Variants in PCDH18 observed in about 807,000 individuals in gnomAD.
PCDH18 encodes the protein protocadherin 18.
PCDH18 carries 38 observed loss-of-function variants against 71.5 expected under a neutral mutation model. The ratio of observed to expected loss-of-function variants is 0.53; its 90% CI spans 0.41 to 0.70. The LOEUF is 0.70. Ranked by LOEUF, PCDH18 falls within the 30% of genes least tolerant of loss-of-function variation. The probability of loss-of-function intolerance (pLI) is 0.00; values close to 1 mark genes in which losing one functional copy is unlikely to be tolerated. For missense variants in PCDH18, 1,334 were observed against 1,384.6 expected, an observed-to-expected ratio of 0.96 and a Z score of 0.58; for synonymous variants, 565 against 505.4, an observed-to-expected ratio of 1.12 and a Z score of -1.58.
At chr4:137,527,283 C>T (rs749967694) in intron 3 of PCDH18, among the ~76,000 whole-genome samples, 1 of 152,100 alleles carries the variant, frequency 6.6e-6, no homozygotes, top group African/African-American at 2.4e-5. Context: ...ATACAGCCTA[C>T]GCACATCCTC....
chr4:137,531,603 A>G lies in PCDH18; in HGVS notation c.486T>C (p.Phe162=). The G allele has an allele frequency of 6.2e-7, 1 of 1,613,828 alleles. No individual in the cohort carries two copies. Among genetic ancestry groups the G allele is most frequent in the South Asian group, 1.1e-5 (1 of 91,074 alleles). The change falls in exon 1 of 4, where the codon TTT becomes TTC. Residue 162 remains phenylalanine, a synonymous_variant. Transcript: ENST00000344876. The part of the protein sequence containing the change: ...VGTRIPLDSA[F]DPDVGENSLH... ...GGGAATTTTCCCCAACATCTGGATC[A>G]AATGCACTGTCCAGGGGAATGCGAG...
chr4:137,526,310 T>C (rs577963406), intron 3 of PCDH18, among the ~76,000 whole-genome samples: 1 of 152,168 alleles, frequency 6.6e-6, no homozygotes, highest in East Asian at 1.9e-4. Flanking sequence ...ATAAACATTA[T>C]ACAAATCTAA....
intron 3 of PCDH18, among the ~76,000 whole-genome samples, chr4:137,522,380 T>C (rs1020039948): frequency 6.6e-6 from 1 of 152,064 alleles, no homozygotes; most frequent in Non-Finnish European, 1.5e-5. Context: ...ATCCATTCCT[T>C]AGGTCTTACA....
chr4:137,531,848 C>A lies in PCDH18; in HGVS notation c.241G>T (p.Glu81Ter). Residue 81 changes from glutamate to a stop codon, truncating the protein, a stop_gained, in exon 1 of 4, where the codon GAG becomes TAG. Coordinates refer to ENST00000344876, the MANE Select transcript of PCDH18 (RefSeq NM_019035.5). LOFTEE classifies it high-confidence loss of function. ...CCTATGCTGATTTCCCCATTATCCT[C>A]GTTTACTACAAGTAGAGGAGAATTT... The part of the protein sequence containing the change: ...RGNSPLLVVN[E>*]DNGEISIGAT... 6.2e-7 allele frequency: 1 copy of A among 1,614,074 alleles called. No individual in the cohort carries two copies. The highest frequency in any genetic ancestry group is 8.5e-7 in the Non-Finnish European group (1 of 1,179,978).
At position 137,530,374 on chromosome 4, in the gene PCDH18, T is replaced by C. The variant is rs1357384382; in HGVS notation, c.1715A>G (p.Asn572Ser). 3.7e-6 allele frequency: 6 copies of C among 1,614,096 alleles called. No individual in the cohort carries two copies. Among genetic ancestry groups the C allele is most frequent in the Non-Finnish European group, 5.1e-6 (6 of 1,179,976 alleles). ...VVLTIIDEND[N>S]VPVVIGPALR... ...TGCAGGCCCTATAACCACAGGAACG[T>C]TGTCATTTTCGTCAATGATGGTGAG... The change falls in exon 1 of 4, where the codon AAC (asparagine) becomes AGC (serine). Residue 572 changes from asparagine (N) to serine (S), a missense_variant. By Grantham distance (46) the Asn-to-Ser change is conservative. Around this residue, in one of 3 missense-constraint regions of PCDH18, gnomAD observed 1,011 missense variants for 1,048.0 expected, o/e 0.96. Coordinates refer to ENST00000344876, the MANE Select transcript of PCDH18 (RefSeq NM_019035.5).
intron 3 of PCDH18, among the ~76,000 whole-genome samples, chr4:137,526,952 A>G (rs1171008947): frequency 7.4e-6 from 1 of 134,608 alleles, no homozygotes; most frequent in Non-Finnish European, 1.6e-5. Flanking sequence ...TTCAGTTTCC[A>G]AATCTTAAAA....
rs1389709280 is a variant in PCDH18, at chr4:137,519,166, C to G, written c.*1863G>C. On this transcript the variant is annotated 3_prime_UTR_variant, in exon 4 of 4. Coordinates refer to ENST00000344876, the MANE Select transcript of PCDH18 (RefSeq NM_019035.5). ...CTGAAATTTCACTTGTAATTGCAAT[C>G]TCTCCTATAAAGGAAAATGTGCCTG... The G allele has an allele frequency of 6.6e-6, 1 of 152,118 alleles. No individual in the cohort carries two copies. The highest frequency in any genetic ancestry group is 1.5e-5 in the Non-Finnish European group (1 of 68,014). The allele number at this position is 152,118 out of a possible 1,614,324, so 9.4% of individuals were successfully genotyped here.
chr4:137,521,584 C>T lies in PCDH18; in HGVS notation c.2853G>A (p.Gly951=), dbSNP rs756877576. ...GCTGGGGTTGCGTTGGGAATTCTTCCCCTGGAATGAACATGTTACTCCTAT... is the reference window on the plus strand; with the variant it reads ...GCTGGGGTTGCGTTGGGAATTCTTCTCCTGGAATGAACATGTTACTCCTAT... The part of the protein sequence containing the change: ...SDYRSNMFIP[G]EEFPTQPQQQ... The change falls in exon 4 of 4, where the codon GGG becomes GGA. Residue 951 remains glycine, a synonymous_variant. Transcript: ENST00000344876. The T allele has an allele frequency of 4.2e-5, 67 of 1,613,856 alleles. No homozygotes were observed. In the South Asian group the frequency reaches 7.1e-4, roughly 17 times the overall value.
rs1466047574 is a variant in PCDH18, at chr4:137,519,099, AAT to A, written c.*1928_*1929del. 1 of 152,208 alleles carries A rather than the reference AAT, an allele frequency of 6.6e-6. No individual in the cohort carries two copies. The allele number at this position is 152,208 out of a possible 1,614,324, so 9.4% of individuals were successfully genotyped here. On this transcript the variant is annotated 3_prime_UTR_variant, in exon 4 of 4. Coordinates refer to ENST00000344876, the MANE Select transcript of PCDH18 (RefSeq NM_019035.5). Reference sequence around the variant, plus strand: ...GAAGTTGAAAGGCAGAATGCATTTAAATATGGTTAGCGTTTGTGTGTGTAATC... The same window carrying A: ...GAAGTTGAAAGGCAGAATGCATTTAAATGGTTAGCGTTTGTGTGTGTAATC...
Position 137,531,029 on chromosome 4 carries a change from T to A in PCDH18, c.1060A>T (p.Ile354Phe). ...VVDVNDNKPEININLMSPGKE... is the reference protein window; with the variant it reads ...VVDVNDNKPEFNINLMSPGKE... ...CCAGGGGACATGAGGTTGATGTTAATTTCAGGTTTATTGTCATTAACATCC... is the reference window on the plus strand; with the variant it reads ...CCAGGGGACATGAGGTTGATGTTAAATTCAGGTTTATTGTCATTAACATCC... Residue 354 changes from isoleucine to phenylalanine, a missense_variant, in exon 1 of 4, where the codon ATT becomes TTT. Coordinates refer to ENST00000344876, the MANE Select transcript of PCDH18 (RefSeq NM_019035.5). 6.2e-7 allele frequency: 1 copy of A among 1,610,076 alleles called. No homozygotes were observed. The highest frequency in any genetic ancestry group is 8.5e-7 in the Non-Finnish European group (1 of 1,178,172).
chr4:137,529,068 T>A (rs965135458), intron 1 of PCDH18: 29 of 470,112 alleles, frequency 6.2e-5, no homozygotes, highest in Admixed American at 5.8e-4. Context: ...GAAGACTCCC[T>A]TTCAAATAAC....
rs964328309 is a variant in PCDH18, at chr4:137,530,373, G to A, written c.1716C>T (p.Asn572=). The A allele has an allele frequency of 1.9e-6, 3 of 1,614,048 alleles. No homozygotes were observed. Among genetic ancestry groups the A allele is most frequent in the Non-Finnish European group, 2.5e-6 (3 of 1,179,978 alleles). Residue 572 remains asparagine, a synonymous_variant, in exon 1 of 4, where the codon AAC becomes AAT. Transcript: ENST00000344876. The stretch of plus-strand genomic sequence containing the variant: ...ATGCAGGCCCTATAACCACAGGAAC[G>A]TTGTCATTTTCGTCAATGATGGTGA... ...VVLTIIDEND[N]VPVVIGPALR... is the part of the protein sequence containing the mutation.
rs1731305761 is a variant in PCDH18, at chr4:137,521,654, G to A, written c.2783C>T (p.Ser928Phe). ...CTEECRVLGH[S>F]DQCWMPPLPS... ...CAGTGGTGGCATCCAGCACTGGTCAGAGTGTCCCAGGACCCTGCACTCCTC... is the reference window on the plus strand; with the variant it reads ...CAGTGGTGGCATCCAGCACTGGTCAAAGTGTCCCAGGACCCTGCACTCCTC... Residue 928 changes from serine (S) to phenylalanine (F), a missense_variant, in exon 4 of 4, where the codon TCT becomes TTT. This residue lies in a region of PCDH18 where 319 missense variants were observed against 316.3 expected (regional missense o/e 1.01). Transcript: ENST00000344876. The A allele has an allele frequency of 6.2e-7, 1 of 1,611,254 alleles. No homozygotes were observed. The highest frequency in any genetic ancestry group is 8.5e-7 in the Non-Finnish European group (1 of 1,179,918).
chr4:137,523,231 A>G (rs1731353496), intron 3 of PCDH18, among the ~76,000 whole-genome samples: 1 of 152,134 alleles, frequency 6.6e-6, no homozygotes, highest in African/African-American at 2.4e-5. Flanking sequence ...AAAATTGTGC[A>G]ATTTGTTATG....
chr4:137,526,030 CTATTATTATTATTGTAAT>C (rs1731444788), intron 3 of PCDH18, among the ~76,000 whole-genome samples: 1 of 151,572 alleles, frequency 6.6e-6, no homozygotes, highest in Non-Finnish European at 1.5e-5. Context: ...TCCTTAACAT[CTATTATTATTATTGTAAT>C]TATTATTATT....
rs547786998 is a variant in PCDH18 at position 137,519,474 on chromosome 4, C to T, written c.*1555G>A. ...CTCTTTTTTCTTTATTCCCCAAATG[C>T]ATTTAACTTATTTAGCTGGAATATG... On this transcript the variant is annotated 3_prime_UTR_variant, in exon 4 of 4. Coordinates refer to ENST00000344876, the MANE Select transcript of PCDH18 (RefSeq NM_019035.5). 6.6e-6 allele frequency: 1 copy of T among 152,194 alleles called. No individual in the cohort carries two copies. Among genetic ancestry groups the T allele is most frequent in the South Asian group, 2.1e-4 (1 of 4,820 alleles). The allele number at this position is 152,194 out of a possible 1,614,324, so 9.4% of individuals were successfully genotyped here.
chr4:137,525,043 T>C (rs1422648278), intron 3 of PCDH18, among the ~76,000 whole-genome samples: 2 of 152,072 alleles, frequency 1.3e-5, no homozygotes, highest in Non-Finnish European at 2.9e-5. Context: ...GAAAAGTGGA[T>C]TGGACTCAAT....
Position 137,519,736 on chromosome 4 carries a change from G to T in PCDH18, c.*1293C>A, listed in dbSNP as rs1731236715. 6.6e-6 allele frequency: 1 copy of T among 152,130 alleles called. No homozygotes were observed. The highest frequency in any genetic ancestry group is 1.5e-5 in the Non-Finnish European group (1 of 67,992). The allele number at this position is 152,130 out of a possible 1,614,324, so 9.4% of individuals were successfully genotyped here. On this transcript the variant is annotated 3_prime_UTR_variant, in exon 4 of 4. Transcript: ENST00000344876. ...AATTTTTCTTTTATTTTCACTGACA[G>T]AAAAATTTTCTGGAGAGTACAATCA...
chr4:137,520,775 G>A lies in PCDH18; in HGVS notation c.*254C>T. 8.3e-6 allele frequency: 3 copies of A among 362,286 alleles called. No individual in the cohort carries two copies. The highest frequency in any genetic ancestry group is 1.5e-5 in the Non-Finnish European group (3 of 201,652). The allele number at this position is 362,286 out of a possible 1,614,324, so 22.4% of individuals were successfully genotyped here. A position where few individuals can be genotyped will look rare whatever the true frequency, so the allele number is the denominator to read the frequency against. The stretch of plus-strand genomic sequence containing the variant: ...GACTAGGAAAAACATGTCTGTCATG[G>A]GAGTAAAAAAATAAAATTTGTTTGT... On this transcript the variant is annotated 3_prime_UTR_variant, in exon 4 of 4. Transcript: ENST00000344876.
Sources: gnomAD v4.1 joint callset for allele counts (sites outside exome capture counted in the v4.1 genomes callset) on GRCh38, gnomAD v4.1.1 for gene constraint, gnomAD v4.1.1 regional missense constraint, MANE v1.5 for transcripts, NCBI Gene and HGNC (gene_info 2026-07-23, HGNC 2026-07-21) for gene names.